Variants in MIP observed in about 807,000 individuals in gnomAD.
MIP encodes the protein major intrinsic protein of lens fiber.
MIP carries 14 observed loss-of-function variants against 21.8 expected under a neutral mutation model. The ratio of observed to expected loss-of-function variants is 0.64; its 90% CI spans 0.42 to 1.00. The LOEUF is 1.00. Ranked by LOEUF, MIP falls within the 50% of genes least tolerant of loss-of-function variation. MIP has a pLI of 0.00. For missense variants in MIP, 260 were observed against 333.5 expected, an observed-to-expected ratio of 0.78 and a Z score of 1.72; for synonymous variants, 133 against 141.4, an observed-to-expected ratio of 0.94 and a Z score of 0.42.
At chr12:56,452,677 T>G (rs1868657265) in intron 3 of MIP, 1 of 266,664 alleles carries the variant, frequency 3.8e-6, no homozygotes, top group Non-Finnish European at 7.4e-6. Flanking sequence ...GAGTGATTAT[T>G]TGCCCATGGT....
At chr12:56,452,491 T>C (rs1868651129) in intron 3 of MIP, 1 of 162,600 alleles carries the variant, frequency 6.2e-6, no homozygotes, top group Admixed American at 5.8e-5. Context: ...AAAATGGGTG[T>C]ACAGCTTTGA....
In MIP at chr12:56,451,039, C is replaced by T; in HGVS notation, c.*241G>A. On this transcript the variant is annotated 3_prime_UTR_variant, in exon 4 of 4. Coordinates refer to ENST00000652304, the MANE Select transcript of MIP (RefSeq NM_012064.4). ...CACTCACATTCATATGCACAATCAG[C>T]ACACACGGCGAAGGGTGGTGGGATG... The T allele has an allele frequency of 1.9e-6, 1 of 529,614 alleles. No individual in the cohort carries two copies. Among genetic ancestry groups the T allele is most frequent in the Non-Finnish European group, 3.4e-6 (1 of 294,684 alleles). 32.8% of individuals were successfully genotyped at this position (529,614 alleles called of 1,614,324 possible). A position where few individuals can be genotyped will look rare whatever the true frequency, so the allele number is the denominator to read the frequency against.
chr12:56,452,403 A>AT (rs1433254674), intron 3 of MIP, among the ~76,000 whole-genome samples: 1 of 152,192 alleles, frequency 6.6e-6, no homozygotes, highest in African/African-American at 2.4e-5. Flanking sequence ...TATATACCAC[A>AT]TTTTGTTTAT....
rs1717669960 is a variant in MIP, at chr12:56,449,783, C to A, written c.*1497G>T. The A allele has an allele frequency of 6.6e-6, 1 of 152,134 alleles. No individual in the cohort carries two copies. Among genetic ancestry groups the A allele is most frequent in the Admixed American group, 6.6e-5 (1 of 15,264 alleles). 9.4% of individuals were successfully genotyped at this position (152,134 alleles called of 1,614,324 possible). A position where few individuals can be genotyped will look rare whatever the true frequency, so the allele number is the denominator to read the frequency against. ...ATAAATTTAAAGCTTTCAAAGTATG[C>A]AAGAGGCTCATAAAAGGAAGAAAGC... On this transcript the variant is annotated 3_prime_UTR_variant, in exon 4 of 4. Transcript: ENST00000652304.
At chr12:56,454,948 G>T (rs1868749513), upstream of MIP, among the ~76,000 whole-genome samples, 1 of 152,022 alleles carries the variant, frequency 6.6e-6, no homozygotes, top group East Asian at 1.9e-4. Flanking sequence ...TCAAAATTGG[G>T]GTTCATTGTC....
chr12:56,452,253 A>G (rs1014930616), intron 3 of MIP, among the ~76,000 whole-genome samples: 3 of 152,124 alleles, frequency 2.0e-5, no homozygotes, highest in African/African-American at 7.2e-5. Flanking sequence ...AGTACTCTAA[A>G]TACCCCATAT....
In MIP at chr12:56,451,310, T is replaced by C; in HGVS notation, c.762A>G (p.Glu254=). The C allele has an allele frequency of 6.2e-7, 1 of 1,613,864 alleles. No homozygotes were observed. Among genetic ancestry groups the C allele is most frequent in the South Asian group, 1.1e-5 (1 of 91,068 alleles). Residue 254 remains glutamate (E), a synonymous_variant, in exon 4 of 4, where the codon GAA becomes GAG. Coordinates refer to ENST00000652304, the MANE Select transcript of MIP (RefSeq NM_012064.4). ...VSNGQPEVTG[E]PVELNTQAL ...GGGCCTGGGTGTTCAGTTCAACAGG[T>C]TCCCCTGTGACCTCTGGTTGTCCAT...
In MIP at chr12:56,451,176, G is replaced by T; in HGVS notation, c.*104C>A. On this transcript the variant is annotated 3_prime_UTR_variant, in exon 4 of 4. Coordinates refer to ENST00000652304, the MANE Select transcript of MIP (RefSeq NM_012064.4). ...CCACATACATAAGTTAAAAAATAAA[G>T]AAGTACATGACCCTCCCCACAGTCT... The T allele has an allele frequency of 1.9e-4, 159 of 850,130 alleles. No individual in the cohort carries two copies. The highest frequency in any genetic ancestry group is 2.7e-4 in the Non-Finnish European group (143 of 529,870). 52.7% of individuals were successfully genotyped at this position (850,130 alleles called of 1,614,324 possible).
At position 56,453,086 on chromosome 12, in the gene MIP, A is replaced by G; in HGVS notation, c.592T>C (p.Phe198Leu). The change falls in exon 3 of 4, where the codon TTC becomes CTC. Residue 198 changes from phenylalanine to leucine, a missense_variant. Transcript: ENST00000652304. ...SFAPAILTGN[F>L]TNHWVYWVGP... ...CCTTCACTCACCCAGTGGTTAGTGA[A>G]GTTCCCAGTGAGAATGGCAGGAGCA... The G allele has an allele frequency of 6.2e-7, 1 of 1,611,916 alleles. No homozygotes were observed.
rs1868590222 is a variant in MIP at position 56,451,123 on chromosome 12, A to G, written c.*157T>C. 3 of 640,796 alleles carry G rather than the reference A, an allele frequency of 4.7e-6. No homozygotes were observed. The highest frequency in any genetic ancestry group is 2.8e-5 in the East Asian group (1 of 36,072). The allele number at this position is 640,796 out of a possible 1,614,324, so 39.7% of individuals were successfully genotyped here. ...GAATGCAACTTGAAAGATTTCACAC[A>G]GCAAAAGGAAAAAAAAAAAAAAAAC... On this transcript the variant is annotated 3_prime_UTR_variant, in exon 4 of 4. Coordinates refer to ENST00000652304, the MANE Select transcript of MIP (RefSeq NM_012064.4).
At position 56,454,272 on chromosome 12, in the gene MIP, T is replaced by G. The variant is rs1029950864; in HGVS notation, c.342A>C (p.Gly114=). The change falls in exon 1 of 4, where the codon GGA becomes GGC. Residue 114 remains glycine, a synonymous_variant. Transcript: ENST00000652304. ...LYSVTPPAVR[G]NLALNTLHPA... ...CCATTACCGTGTTGAGTGCTAGGTT[T>G]CCTCGGACAGCAGGTGGGGTAACGC... is the stretch of plus-strand genomic sequence containing the variant. 4 of 1,613,952 alleles carry G rather than the reference T, an allele frequency of 2.5e-6. No individual in the cohort carries two copies. The Admixed American group carries it at 6.7e-5, about 27-fold the overall frequency.
At chr12:56,455,679 G>C (rs1262609980), upstream of MIP, among the ~76,000 whole-genome samples, 1 of 152,142 alleles carries the variant, frequency 6.6e-6, no homozygotes, top group Non-Finnish European at 1.5e-5. Flanking sequence ...GTTCAGTTGT[G>C]CTCGGGCTTG....
intron 3 of MIP, 41 bp from the exon 4 acceptor site, chr12:56,451,506 A>T: frequency 6.3e-7 from 1 of 1,585,948 alleles, no homozygotes; most frequent in Non-Finnish European, 8.7e-7. Flanking sequence ...TGGGGAGGGG[A>T]CAGAGTAGCA....
In MIP at chr12:56,451,294, T is replaced by TG; in HGVS notation, c.777dup (p.Thr260HisfsTer11). 1 of 1,613,636 alleles carries TG rather than the reference T, an allele frequency of 6.2e-7. No individual in the cohort carries two copies. Among genetic ancestry groups the TG allele is most frequent in the South Asian group, 1.1e-5 (1 of 91,060 alleles). ...AGCTGGAGCTTCTACAGGGCCTGGG[T>TG]GTTCAGTTCAACAGGTTCCCCTGTG... On this transcript the variant is annotated frameshift_variant, in exon 4 of 4. Coordinates refer to ENST00000652304, the MANE Select transcript of MIP (RefSeq NM_012064.4). LOFTEE classifies it high-confidence loss of function.
In MIP at chr12:56,453,054, C is replaced by T; in HGVS notation, c.606+18G>A. ...ATCCAGAAGGGCTTCAGGATCTTGC[C>T]CCTCTCCCTTCACTCACCCAGTGGT... On this transcript the variant is annotated intron_variant, in intron 3 of 3. Coordinates refer to ENST00000652304, the MANE Select transcript of MIP (RefSeq NM_012064.4). The T allele has an allele frequency of 2.8e-6, 4 of 1,446,980 alleles. No individual in the cohort carries two copies. The highest frequency in any genetic ancestry group is 3.9e-6 in the Non-Finnish European group (4 of 1,026,642). 89.6% of individuals were successfully genotyped at this position (1,446,980 alleles called of 1,614,324 possible). A position where few individuals can be genotyped will look rare whatever the true frequency, so the allele number is the denominator to read the frequency against.
At chr12:56,453,441 G>A (rs1868683079) in intron 2 of MIP, 150 bp downstream of exon 2, 1 of 880,274 alleles carries the variant, frequency 1.1e-6, no homozygotes, top group Non-Finnish European at 1.9e-6. Flanking sequence ...GAGAGGGATA[G>A]GGCAGAGTTG....
rs1409120608 is a variant in MIP, at chr12:56,450,548, C to G, written c.*732G>C. The G allele has an allele frequency of 6.6e-6, 1 of 152,340 alleles. No individual in the cohort carries two copies. Among genetic ancestry groups the G allele is most frequent in the South Asian group, 2.1e-4 (1 of 4,836 alleles). The allele number at this position is 152,340 out of a possible 1,614,324, so 9.4% of individuals were successfully genotyped here. ...TCCATTATGTCAGAATGAACACAAC[C>G]AGCCAGCGGATGTAGACAGGTTTAC... On this transcript the variant is annotated 3_prime_UTR_variant, in exon 4 of 4. Transcript: ENST00000652304.
rs1479527590 is a variant in MIP at position 56,451,070 on chromosome 12, G to T, written c.*210C>A. 1 of 570,908 alleles carries T rather than the reference G, an allele frequency of 1.8e-6. No homozygotes were observed. The highest frequency in any genetic ancestry group is 3.1e-6 in the Non-Finnish European group (1 of 322,018). The allele number at this position is 570,908 out of a possible 1,614,324, so 35.4% of individuals were successfully genotyped here. A position where few individuals can be genotyped will look rare whatever the true frequency, so the allele number is the denominator to read the frequency against. On this transcript the variant is annotated 3_prime_UTR_variant, in exon 4 of 4. Coordinates refer to ENST00000652304, the MANE Select transcript of MIP (RefSeq NM_012064.4). ...CGGCGAAGGGTGGTGGGATGGGGAGGAAGGGAAGTTTGCACCAACCAGCTC... is the reference window on the plus strand; with the variant it reads ...CGGCGAAGGGTGGTGGGATGGGGAGTAAGGGAAGTTTGCACCAACCAGCTC...
At position 56,451,142 on chromosome 12, in the gene MIP, A is replaced by G; in HGVS notation, c.*138T>C. On this transcript the variant is annotated 3_prime_UTR_variant, in exon 4 of 4. Transcript: ENST00000652304. ...TCACACAGCAAAAGGAAAAAAAAAA[A>G]AAAAACAACCACATACATAAGTTAA... The G allele has an allele frequency of 4.2e-6, 3 of 720,130 alleles. No homozygotes were observed. The South Asian group carries it at 5.5e-5, about 13-fold the overall frequency. The allele number at this position is 720,130 out of a possible 1,614,324, so 44.6% of individuals were successfully genotyped here. A position where few individuals can be genotyped will look rare whatever the true frequency, so the allele number is the denominator to read the frequency against.
Sources: gnomAD v4.1 joint callset for allele counts (sites outside exome capture counted in the v4.1 genomes callset) on GRCh38, gnomAD v4.1.1 for gene constraint, MANE v1.5 for transcripts, NCBI Gene and HGNC (gene_info 2026-07-23, HGNC 2026-07-21) for gene names.